The following KHDRBS2 variants were observed in gnomAD, a reference collection of about 807,000 sequenced individuals.
The protein encoded by KHDRBS2 is KH domain-containing, RNA-binding, signal transduction-associated protein 2.
A neutral mutation model predicts 44.3 loss-of-function variants in KHDRBS2; 26 were observed. That is an observed-to-expected ratio of 0.59 (90% CI 0.43 to 0.81). KHDRBS2 has a LOEUF of 0.81. KHDRBS2 is among the 40% of genes least tolerant of loss of function. The pLI, the probability that KHDRBS2 is intolerant of heterozygous loss-of-function variation, is 0.00. For missense variants in KHDRBS2, 476 were observed against 433.1 expected (o/e 1.10, Z -0.88); for synonymous variants, 194 against 151.1 (o/e 1.28, Z -2.08).
chr6:61,936,265 A>G (rs2127371288), intron 4 of KHDRBS2, among the ~76,000 whole-genome samples: 2 of 152,098 alleles, frequency 1.3e-5, no homozygotes, highest in South Asian at 4.1e-4. Flanking sequence ...TCCGTGTAAT[A>G]ATTTGGGAAA....
the KHDRBS2 span, among the ~76,000 whole-genome samples, chr6:61,584,309 G>A: frequency 1.4e-4 from 22 of 151,856 alleles, no homozygotes; most frequent in South Asian, 4.1e-4. Flanking sequence ...AAAAGAAAGC[G>A]TTTAATATTT....
intron 1 of KHDRBS2, among the ~76,000 whole-genome samples, chr6:62,184,738 T>C (rs183127437): frequency 7.9e-5 from 12 of 152,020 alleles, no homozygotes; most frequent in Non-Finnish European, 1.3e-4. Flanking sequence ...TTTCCTCAGA[T>C]AAGGATTTCT....
At chr6:61,772,800 T>A (rs1490348039) in intron 6 of KHDRBS2, among the ~76,000 whole-genome samples, 2 of 151,872 alleles carry the variant, frequency 1.3e-5, no homozygotes. Flanking sequence ...CTACCCCAAC[T>A]CCACAACAGT....
chr6:62,227,917 G>T (rs1281573140), intron 1 of KHDRBS2, among the ~76,000 whole-genome samples: 1 of 152,034 alleles, frequency 6.6e-6, no homozygotes, highest in African/African-American at 2.4e-5. Flanking sequence ...TGCTGGATTT[G>T]GTTTCCCAGT....
intron 1 of KHDRBS2, among the ~76,000 whole-genome samples, chr6:62,263,711 T>A (rs1488560713): frequency 6.6e-6 from 1 of 151,786 alleles, no homozygotes; most frequent in Non-Finnish European, 1.5e-5. Context: ...TAATGTCTAT[T>A]TACTAAATTC....
the KHDRBS2 span, among the ~76,000 whole-genome samples, chr6:61,555,587 C>A: frequency 6.6e-6 from 1 of 152,176 alleles, no homozygotes; most frequent in Non-Finnish European, 1.5e-5. Context: ...ACACTCTTGC[C>A]TTTTGAGTTG....
At chr6:62,284,388 T>C (rs1842191566) in intron 1 of KHDRBS2, among the ~76,000 whole-genome samples, 1 of 152,124 alleles carries the variant, frequency 6.6e-6, no homozygotes, top group Non-Finnish European at 1.5e-5. Context: ...ATTCAAAATA[T>C]ATTAAAGATA....
chr6:61,941,871 G>A (rs1812200352), intron 4 of KHDRBS2, among the ~76,000 whole-genome samples: 1 of 152,088 alleles, frequency 6.6e-6, no homozygotes. Context: ...AGGGAACATG[G>A]CACCTCCAAC....
intron 1 of KHDRBS2, among the ~76,000 whole-genome samples, chr6:62,278,364 C>A (rs1452025318): frequency 6.6e-6 from 1 of 152,058 alleles, no homozygotes; most frequent in African/African-American, 2.4e-5. Flanking sequence ...AACAGCTTCA[C>A]TATAGACTGT....
chr6:61,645,412 T>C, the KHDRBS2 span, among the ~76,000 whole-genome samples: 2 of 151,846 alleles, frequency 1.3e-5, no homozygotes, highest in African/African-American at 4.8e-5. Context: ...CAACAAACTC[T>C]TGTGAGATGA....
At chr6:61,627,130 G>A in the KHDRBS2 span, among the ~76,000 whole-genome samples, 6 of 151,254 alleles carry the variant, frequency 4.0e-5, no homozygotes, top group East Asian at 3.9e-4. Context: ...GCGGGCGCCT[G>A]TAGTCCCAGC....
intron 1 of KHDRBS2, among the ~76,000 whole-genome samples, chr6:62,183,616 G>A (rs546787340): frequency 1.3e-5 from 2 of 151,460 alleles, no homozygotes; most frequent in Non-Finnish European, 3.0e-5. Flanking sequence ...TTTAATTATC[G>A]AGAAGACTTC....
At chr6:62,192,955 T>C (rs1399617293) in intron 1 of KHDRBS2, among the ~76,000 whole-genome samples, 1 of 152,116 alleles carries the variant, frequency 6.6e-6, no homozygotes, top group Non-Finnish European at 1.5e-5. Context: ...CAAACTTACA[T>C]AATGCAAATT....
chr6:62,103,447 G>C (rs773700139), intron 2 of KHDRBS2, among the ~76,000 whole-genome samples: 1 of 152,218 alleles, frequency 6.6e-6, no homozygotes, highest in Non-Finnish European at 1.5e-5. Context: ...CCTGGGCTTG[G>C]TCACAATGTT....
At chr6:61,679,334 A>G (rs1386551773), downstream of KHDRBS2, among the ~76,000 whole-genome samples, 1 of 151,924 alleles carries the variant, frequency 6.6e-6, no homozygotes. Flanking sequence ...ATAATGTCAA[A>G]TAATTTTGGT....
At chr6:62,026,255 A>C (rs755004635) in intron 3 of KHDRBS2, among the ~76,000 whole-genome samples, 52 of 151,744 alleles carry the variant, frequency 3.4e-4, no homozygotes, top group Admixed American at 1.7e-3. Context: ...ATGCAATGGA[A>C]GTGACTCAGT....
the KHDRBS2 span, among the ~76,000 whole-genome samples, chr6:61,645,302 A>G: frequency 0.024 from 3,720 of 152,016 alleles, 69 homozygotes; most frequent in Middle Eastern, 0.088. Context: ...AGCACACATT[A>G]GGGTCTATCA....
At chr6:62,271,798 G>C (rs1840131844) in intron 1 of KHDRBS2, among the ~76,000 whole-genome samples, 1 of 152,002 alleles carries the variant, frequency 6.6e-6, no homozygotes, top group East Asian at 1.9e-4. Flanking sequence ...TAAAGATATT[G>C]TTTAGCTAAT....
At chr6:62,071,368 G>A (rs894789725) in intron 2 of KHDRBS2, among the ~76,000 whole-genome samples, 2 of 152,030 alleles carry the variant, frequency 1.3e-5, no homozygotes, top group Admixed American at 6.6e-5. Context: ...GTCCATTTTG[G>A]CTTTTGTTGC....
Sources: allele counts gnomAD v4.1 joint callset (sites outside exome capture counted in the v4.1 genomes callset), GRCh38; gene constraint gnomAD v4.1.1; transcripts MANE v1.5; gene names NCBI Gene and HGNC (gene_info 2026-07-23, HGNC 2026-07-21).